The following FEZ2 variants were observed in gnomAD, a reference collection of about 807,000 sequenced individuals.
The protein encoded by FEZ2 is fasciculation and elongation protein zeta 2.
In FEZ2, 51 loss-of-function variants were observed where a neutral mutation model predicts 40.4. The observed-to-expected ratio is 1.26, with a 90% CI of 1.01 to 1.59. The LOEUF is 1.59. Ranked by LOEUF, FEZ2 falls within the 40% of genes most tolerant of loss-of-function variation. The pLI is 0.00. For missense variants in FEZ2, 640 were observed against 438.3 expected (o/e 1.46, Z -4.11); for synonymous variants, 242 against 172.0 (o/e 1.41, Z -3.18).
chr2:36,553,717 T>C (rs569220625), intron 7 of FEZ2, among the ~76,000 whole-genome samples: 1 of 152,214 alleles, frequency 6.6e-6, no homozygotes, highest in East Asian at 1.9e-4. Flanking sequence ...TGAGACCACT[T>C]TTCTACCTTC....
chr2:36,598,134 C>T lies in FEZ2; in HGVS notation c.9G>A (p.Ala3=), dbSNP rs1407874722. 2.1e-5 allele frequency: 31 copies of T among 1,476,284 alleles called. No individual in the cohort carries two copies. The highest frequency in any genetic ancestry group is 2.6e-5 in the Non-Finnish European group (29 of 1,121,218). 91.4% of individuals were successfully genotyped at this position (1,476,284 alleles called of 1,614,324 possible). MA[A]DGDWQDFYEF... ...CATAGAAATCCTGCCAGTCCCCGTC[C>T]GCCGCCATCGCCGCCCGGAGCAGTC... Residue 3 remains alanine, a synonymous_variant, in exon 1 of 8, where the codon GCG becomes GCA. Coordinates refer to ENST00000405912, the MANE Select transcript of FEZ2 (RefSeq NM_005102.3).
At chr2:36,577,087 T>A (rs2125233012) in intron 5 of FEZ2, among the ~76,000 whole-genome samples, 1 of 152,306 alleles carries the variant, frequency 6.6e-6, no homozygotes, top group South Asian at 2.1e-4. Context: ...TCCCTAATAT[T>A]TTAAAGCAAA....
intron 5 of FEZ2, among the ~76,000 whole-genome samples, chr2:36,577,778 C>CT (rs1186072983): frequency 1.3e-5 from 2 of 152,142 alleles, no homozygotes; most frequent in Non-Finnish European, 2.9e-5. Context: ...GTAAATCAGA[C>CT]TTTATCAAAA....
At chr2:36,567,148 T>C (rs764611727) in intron 5 of FEZ2, among the ~76,000 whole-genome samples, 1 of 152,080 alleles carries the variant, frequency 6.6e-6, no homozygotes, top group African/African-American at 2.4e-5. Context: ...ATAGCAGTCA[T>C]TTTTAAACGT....
At chr2:36,578,541 G>T (rs959196441) in intron 5 of FEZ2, 56 bp downstream of exon 5, 42 of 1,555,602 alleles carry the variant, frequency 2.7e-5, no homozygotes, top group Admixed American at 2.1e-4. Flanking sequence ...CCAAAGGCTG[G>T]GACTACCACA....
Position 36,558,421 on chromosome 2 carries a change from A to G in FEZ2, c.979+17T>C, listed in dbSNP as rs1435765214. Reference sequence around the variant, plus strand: ...CAAAAGGAAATCAGGTAATAGTTTCATTTTGTCTTTGCTCACTTTTTGTTA... The same window carrying G: ...CAAAAGGAAATCAGGTAATAGTTTCGTTTTGTCTTTGCTCACTTTTTGTTA... On this transcript the variant is annotated intron_variant, in intron 6 of 7. Transcript: ENST00000405912. 1 of 1,464,590 alleles carries G rather than the reference A, an allele frequency of 6.8e-7. No individual in the cohort carries two copies. Among genetic ancestry groups the G allele is most frequent in the South Asian group, 1.4e-5 (1 of 73,140 alleles). 90.7% of individuals were successfully genotyped at this position (1,464,590 alleles called of 1,614,324 possible).
Position 36,558,489 on chromosome 2 carries a change from C to G in FEZ2, c.928G>C (p.Glu310Gln), listed in dbSNP as rs191174760. The G allele has an allele frequency of 1.8e-4, 268 of 1,515,278 alleles. No individual in the cohort carries two copies. The highest frequency in any genetic ancestry group is 8.8e-4 in the South Asian group (68 of 77,620). 93.9% of individuals were successfully genotyped at this position (1,515,278 alleles called of 1,614,324 possible). Residue 310 changes from glutamate to glutamine, a missense_variant, in exon 6 of 8, where the codon GAG (glutamate) becomes CAG (glutamine). Transcript: ENST00000405912. ...ACAGACGGTGGTCCGTTTTTTTTCT[C>G]ATAAGGAATGACTGTAGTCAAATAC... ...GTYLTTVIPY[E>Q]KKNGPPSVED...
At chr2:36,583,577 C>T (rs749912367) in intron 2 of FEZ2, 108 bp from the exon 3 acceptor site, 5 of 648,606 alleles carry the variant, frequency 7.7e-6, no homozygotes, top group Non-Finnish European at 1.4e-5. Context: ...AAGAGCCTTC[C>T]CTCAAGAGGG....
At position 36,597,986 on chromosome 2, in the gene FEZ2, T is replaced by C. The variant is rs1354077290; in HGVS notation, c.157A>G (p.Ser53Gly). ...GADGFPAPACSLEEKLSLCFR... is the reference protein window; with the variant it reads ...GADGFPAPACGLEEKLSLCFR... ...CACAGGCTCAGCTTCTCCTCCAAGC[T>C]GCAGGCCGGGGCCGGGAAACCGTCG... is the stretch of plus-strand genomic sequence containing the variant. Residue 53 changes from serine (S) to glycine (G), a missense_variant, in exon 1 of 8, where the codon AGC becomes GGC. By Grantham distance (56) the Ser-to-Gly change is moderately conservative. Transcript: ENST00000405912. 2 of 1,494,456 alleles carry C rather than the reference T, an allele frequency of 1.3e-6. No homozygotes were observed. Among genetic ancestry groups the C allele is most frequent in the East Asian group, 2.8e-5 (1 of 35,190 alleles). The allele number at this position is 1,494,456 out of a possible 1,614,324, so 92.6% of individuals were successfully genotyped here.
At chr2:36,595,025 C>T (rs560200882) in intron 1 of FEZ2, among the ~76,000 whole-genome samples, 4 of 152,276 alleles carry the variant, frequency 2.6e-5, no homozygotes, top group South Asian at 2.1e-4. Flanking sequence ...TACAACCAGT[C>T]GTAAACAACG....
intron 2 of FEZ2, 111 bp from the exon 3 acceptor site, chr2:36,583,580 C>A: frequency 1.6e-6 from 1 of 641,198 alleles, no homozygotes; most frequent in Non-Finnish European, 2.8e-6. Context: ...AGCCTTCCCT[C>A]AAGAGGGAGA....
chr2:36,576,739 C>T (rs1301682918), intron 5 of FEZ2, among the ~76,000 whole-genome samples: 27 of 152,144 alleles, frequency 1.8e-4, no homozygotes, highest in Non-Finnish European at 1.5e-5. Context: ...ATTTCAAGAC[C>T]AATGAAGGCT....
chr2:36,596,513 G>C (rs1669226863), intron 1 of FEZ2, among the ~76,000 whole-genome samples: 1 of 152,220 alleles, frequency 6.6e-6, no homozygotes, highest in Non-Finnish European at 1.5e-5. Flanking sequence ...CTGGAGTGCA[G>C]TTGTGCGATG....
chr2:36,583,653 G>T (rs534088871), intron 2 of FEZ2, among the ~76,000 whole-genome samples, 184 bp from the exon 3 acceptor site: 1 of 152,080 alleles, frequency 6.6e-6, no homozygotes, highest in East Asian at 1.9e-4. Flanking sequence ...GAAATGAGAA[G>T]AATGTAGAAT....
Position 36,560,666 on chromosome 2 carries a change from T to C in FEZ2, c.904-2153A>G, listed in dbSNP as rs1486102545. 7 of 575,526 alleles carry C rather than the reference T, an allele frequency of 1.2e-5. No individual in the cohort carries two copies. The African/African-American group carries it at 1.3e-4, about 11-fold the overall frequency. The allele number at this position is 575,526 out of a possible 1,614,324, so 35.7% of individuals were successfully genotyped here. On this transcript the variant is annotated intron_variant, in intron 5 of 7. Transcript: ENST00000405912. The stretch of plus-strand genomic sequence containing the variant: ...AATATAATGAACTTTTATAATAAAC[T>C]TTTATTTCTCTCGTTAAGCAATGGT...
chr2:36,593,158 T>C (rs1479666787), intron 1 of FEZ2, among the ~76,000 whole-genome samples: 2 of 152,192 alleles, frequency 1.3e-5, no homozygotes, highest in African/African-American at 2.4e-5. Context: ...AGAGGTTTAA[T>C]TGGACTTACA....
intron 5 of FEZ2, among the ~76,000 whole-genome samples, chr2:36,565,923 C>G (rs1295077920): frequency 6.6e-6 from 1 of 152,150 alleles, no homozygotes; most frequent in Admixed American, 6.5e-5. Flanking sequence ...TGTTTTCAGA[C>G]ATTGACTCAT....
At chr2:36,586,181 C>G (rs530436919) in intron 2 of FEZ2, among the ~76,000 whole-genome samples, 1 of 152,110 alleles carries the variant, frequency 6.6e-6, no homozygotes, top group South Asian at 2.1e-4. Flanking sequence ...AAAGGCATGT[C>G]GATACCATGG....
At chr2:36,555,587 A>T (rs1194668603) in intron 7 of FEZ2, 96 bp downstream of exon 7, 2 of 589,002 alleles carry the variant, frequency 3.4e-6, no homozygotes, top group Non-Finnish European at 5.9e-6. Context: ...AAAGTTGTGC[A>T]TTGGGAAGTT....
Sources: gnomAD v4.1 joint callset for allele counts (sites outside exome capture counted in the v4.1 genomes callset) on GRCh38, gnomAD v4.1.1 for gene constraint, MANE v1.5 for transcripts, NCBI Gene and HGNC (gene_info 2026-07-23, HGNC 2026-07-21) for gene names.